The following NBPF12 variants were observed in gnomAD, a reference collection of about 807,000 sequenced individuals.
NBPF12 encodes NBPF member 12.
NBPF12 carries 115 observed loss-of-function variants against 146.4 expected under a neutral mutation model. The observed-to-expected ratio is 0.79, with a 90% CI of 0.68 to 0.92. NBPF12 has a LOEUF of 0.92. Ranked by LOEUF, NBPF12 falls within the 40% of genes least tolerant of loss-of-function variation. NBPF12 has a pLI of 0.00. For synonymous variants in NBPF12, 385 were observed against 508.9 expected, an observed-to-expected ratio of 0.76 and a Z score of 3.28; for missense variants, 1,205 against 1,326.8, an observed-to-expected ratio of 0.91 and a Z score of 1.43.
At chr1:146,942,390 T>A (rs1654846878) in intron 1 of NBPF12, among the ~76,000 whole-genome samples, 2 of 151,918 alleles carry the variant, frequency 1.3e-5, no homozygotes, top group Middle Eastern at 3.4e-3. Flanking sequence ...TGTTATTATT[T>A]TTTTTGTATG....
At chr1:146,992,212 C>T (rs1321402356) in intron 31 of NBPF12, among the ~76,000 whole-genome samples, 166 bp downstream of exon 34, 1 of 133,770 alleles carries the variant, frequency 7.5e-6, no homozygotes, top group African/African-American at 3.0e-5. Flanking sequence ...CTTAGGTTTC[C>T]ATTTCTTCCT....
Position 146,970,498 on chromosome 1 carries a change from G to A in NBPF12, c.1307-149G>A, listed in dbSNP as rs1392468769. The A allele has an allele frequency of 2.0e-4, 221 of 1,124,232 alleles. 10 individuals are homozygous for A. In the African/African-American group the frequency reaches 3.3e-3, roughly 17 times the overall value. The allele number at this position is 1,124,232 out of a possible 1,614,324, so 69.6% of individuals were successfully genotyped here. A position where few individuals can be genotyped will look rare whatever the true frequency, so the allele number is the denominator to read the frequency against. On this transcript the variant is annotated intron_variant, in intron 11 of 33. Coordinates refer to ENST00000617844, the Ensembl canonical transcript of NBPF12. ...ATTGCCTGATGGACCAGGAAACCAT[G>A]CCAGGGCATTTTGTGAAAGATAAAA...
At chr1:146,950,336 C>T (rs1378925378) in intron 1 of NBPF12, among the ~76,000 whole-genome samples, 25 of 151,904 alleles carry the variant, frequency 1.6e-4, no homozygotes, top group Admixed American at 5.9e-4. Flanking sequence ...TTACCTCTGT[C>T]GACCTGTGAA....
At chr1:146,984,841 G>C in exon 22 of NBPF12, 3 of 1,548,376 alleles carry the variant, frequency 1.9e-6, no homozygotes, top group East Asian at 2.2e-5. Flanking sequence ...GGCTGAGAAA[G>C]AGCCTGAAGT....
chr1:146,962,178 G>C, exon 5 of NBPF12: 2 of 1,608,852 alleles, frequency 1.2e-6, no homozygotes, highest in East Asian at 2.2e-5. Flanking sequence ...AGAGTGTAAA[G>C]ACCTCATAAA....
At chr1:146,944,684 T>C (rs1654942061), upstream of NBPF12, among the ~76,000 whole-genome samples, 1 of 151,610 alleles carries the variant, frequency 6.6e-6, no homozygotes, top group African/African-American at 2.4e-5. Context: ...AGTTTTACAG[T>C]AGTGCGTCTC....
At chr1:146,964,171 C>T (rs1321194826) in intron 6 of NBPF12, among the ~76,000 whole-genome samples, 186 bp from the exon 10 acceptor site, 4 of 149,286 alleles carry the variant, frequency 2.7e-5, no homozygotes, top group Non-Finnish European at 4.4e-5. Flanking sequence ...TGGCCCTCCA[C>T]ATCAGAAATG....
chr1:146,982,730 G>A (rs1657472890), intron 19 of NBPF12, among the ~76,000 whole-genome samples, 198 bp from the exon 23 acceptor site: 1 of 151,124 alleles, frequency 6.6e-6, no homozygotes, highest in African/African-American at 2.4e-5. Context: ...AGCACATGCT[G>A]CCCATTTTTG....
intron 5 of NBPF12, among the ~76,000 whole-genome samples, chr1:146,962,539 C>A (rs1450580170): frequency 5.3e-5 from 8 of 151,660 alleles, no homozygotes; most frequent in East Asian, 3.9e-4. Context: ...TGGGAACCAC[C>A]TAGCAGCATT....
At chr1:146,980,561 C>G (rs1488047670) in intron 19 of NBPF12, among the ~76,000 whole-genome samples, 1 of 151,698 alleles carries the variant, frequency 6.6e-6, no homozygotes, top group Non-Finnish European at 1.5e-5. Context: ...TTTATTTCTC[C>G]TTCACTTATG....
chr1:146,965,104 G>T, exon 8 of NBPF12: 2 of 1,573,836 alleles, frequency 1.3e-6, no homozygotes, highest in South Asian at 1.1e-5. Context: ...CATTCTCCCA[G>T]GTAGCCTCTA....
At chr1:146,972,086 TA>T (rs1187228872) in intron 13 of NBPF12, among the ~76,000 whole-genome samples, 1,513 of 120,916 alleles carry the variant, frequency 0.013, 23 homozygotes, top group Middle Eastern at 0.017. Context: ...AGACTCCATC[TA>T]AAAAAAAAAA....
chr1:146,973,167 G>T (rs1553886846), intron 14 of NBPF12, among the ~76,000 whole-genome samples: 1 of 148,390 alleles, frequency 6.7e-6, no homozygotes, highest in Admixed American at 6.7e-5. Context: ...TCAGGTGGGG[G>T]TGGGACTAGA....
At chr1:146,972,418 A>G (rs1229250796) in intron 13 of NBPF12, among the ~76,000 whole-genome samples, 1 of 147,700 alleles carries the variant, frequency 6.8e-6, no homozygotes, top group Non-Finnish European at 1.5e-5. Context: ...AAACCAAAAA[A>G]GAAAAAAATT....
intron 1 of NBPF12, among the ~76,000 whole-genome samples, chr1:146,941,911 T>A (rs1321514768): frequency 1.3e-5 from 2 of 150,060 alleles, no homozygotes; most frequent in Non-Finnish European, 3.0e-5. Context: ...CAGGCTGAAG[T>A]GTGTTGGCAT....
chr1:146,969,590 A>T (rs1189993486), exon 11 of NBPF12: 5 of 1,610,054 alleles, frequency 3.1e-6, no homozygotes, highest in African/African-American at 1.4e-5. Context: ...CCAAAAGCTC[A>T]GCCCAGGTAA....
chr1:146,992,632 T>C (rs1203979292), intron 31 of NBPF12, 80 bp from the exon 35 acceptor site: 3 of 775,134 alleles, frequency 3.9e-6, no homozygotes, highest in Non-Finnish European at 7.1e-6. Flanking sequence ...CACTTCCTTA[T>C]GCTACCCATG....
intron 2 of NBPF12, among the ~76,000 whole-genome samples, chr1:146,953,029 C>T (rs1205501665): frequency 1.3e-5 from 2 of 151,204 alleles, no homozygotes; most frequent in African/African-American, 2.4e-5. Context: ...GGAACAGCGG[C>T]GTGCCTGTAA....
intron 11 of NBPF12, among the ~76,000 whole-genome samples, chr1:146,969,913 A>T (rs1435607842): frequency 6.6e-6 from 1 of 150,968 alleles, no homozygotes; most frequent in Non-Finnish European, 1.5e-5. Flanking sequence ...GCTCTGGGCT[A>T]AGAATGAAGG....
Sources: allele counts gnomAD v4.1 joint callset (sites outside exome capture counted in the v4.1 genomes callset), GRCh38; gene constraint gnomAD v4.1.1; transcripts MANE v1.5; gene names NCBI Gene and HGNC (gene_info 2026-07-23, HGNC 2026-07-21).